TIGD7: variants seen among roughly 807,000 people sequenced by gnomAD.
The protein encoded by TIGD7 is tigger transposable element-derived protein 7.
Under a neutral mutation model 24.8 loss-of-function variants are expected in TIGD7, and 26 were observed. That is an observed-to-expected ratio of 1.05 (90% CI 0.77 to 1.45). The LOEUF is 1.45. TIGD7 is among the 40% of genes most tolerant of loss of function. The probability of loss-of-function intolerance (pLI) is 0.00; values close to 1 mark genes in which losing one functional copy is unlikely to be tolerated. For missense variants in TIGD7, 679 were observed against 641.6 expected (o/e 1.06, Z -0.63); for synonymous variants, 221 against 224.1 (o/e 0.99, Z 0.12).
Position 3,300,495 on chromosome 16 carries a change from T to C in TIGD7, c.120A>G (p.Ser40=). The C allele has an allele frequency of 6.2e-7, 1 of 1,614,158 alleles. No homozygotes were observed. Among genetic ancestry groups the C allele is most frequent in the Admixed American group, 1.7e-5 (1 of 60,030 alleles). Residue 40 remains serine (S), a synonymous_variant, in exon 2 of 2, where the codon TCA becomes TCG. Coordinates refer to ENST00000396862, the MANE Select transcript of TIGD7 (RefSeq NM_033208.4). ...SVMDEFGISK[S]TFYDIKKNKK... ...TATTTTTTTTAATGTCATAAAATGT[T>C]GACTTACTGATTCCAAATTCATCCA...
At chr16:3,302,766 A>C (rs1410300661) in intron 1 of TIGD7, among the ~76,000 whole-genome samples, 1 of 151,730 alleles carries the variant, frequency 6.6e-6, no homozygotes, top group East Asian at 1.9e-4. Flanking sequence ...TCAGGCCACT[A>C]TGACAGTTGT....
Position 3,299,621 on chromosome 16 carries a change from G to C in TIGD7, c.994C>G (p.Gln332Glu), listed in dbSNP as rs1210819910. Residue 332 changes from glutamine to glutamate, a missense_variant, in exon 2 of 2, where the codon CAA becomes GAA. Transcript: ENST00000396862. ...NTSTLIQPMN[Q>E]GVILSCKRLY... Reference sequence around the variant, plus strand: ...CGTTTGCAGCTCAAGATCACACCTTGATTCATTGGTTGAATCAAGGTTGAA... The same window carrying C: ...CGTTTGCAGCTCAAGATCACACCTTCATTCATTGGTTGAATCAAGGTTGAA... 1.3e-6 allele frequency: 2 copies of C among 1,564,626 alleles called. No individual in the cohort carries two copies. Among genetic ancestry groups the C allele is most frequent in the East Asian group, 2.3e-5 (1 of 44,388 alleles).
intron 1 of TIGD7, among the ~76,000 whole-genome samples, chr16:3,303,400 T>C (rs978917912): frequency 6.6e-6 from 1 of 152,264 alleles, no homozygotes; most frequent in Non-Finnish European, 1.5e-5. Flanking sequence ...TTAGCACTGC[T>C]AGCAGAACTT....
Position 3,300,602 on chromosome 16 carries a change from C to T in TIGD7, c.13G>A (p.Gly5Arg). The change falls in exon 2 of 2, where the codon GGG becomes AGG. Residue 5 changes from glycine to arginine, a missense_variant. Transcript: ENST00000396862. Reference sequence around the variant, plus strand: ...TCCAAATTCAGTGTTGTATATTTCCCTCTCTTATTCATACTGAATTTAACT... The same window carrying T: ...TCCAAATTCAGTGTTGTATATTTCCTTCTCTTATTCATACTGAATTTAACT... MNKR[G>R]KYTTLNLEEK... is the part of the protein sequence containing the mutation. 6.4e-7 allele frequency: 1 copy of T among 1,569,390 alleles called. No homozygotes were observed. The highest frequency in any genetic ancestry group is 2.2e-5 in the East Asian group (1 of 44,578).
At chr16:3,302,833 CTTTT>C (rs58436553) in intron 1 of TIGD7, among the ~76,000 whole-genome samples, 2 of 121,432 alleles carry the variant, frequency 1.6e-5, no homozygotes, top group Non-Finnish European at 3.4e-5. Flanking sequence ...GTGCCGTCGT[CTTTT>C]TTTTTTTTTT....
chr16:3,299,676 T>C lies in TIGD7; in HGVS notation c.939A>G (p.Arg313=). Residue 313 remains arginine, a synonymous_variant, in exon 2 of 2, where the codon CGA becomes CGG. Coordinates refer to ENST00000396862, the MANE Select transcript of TIGD7 (RefSeq NM_033208.4). ...TATGGGGGAAGAACATACATTTTAT[T>C]CGACCATCCTCACTGGTTAGGGATT... ...SSESLTSEDG[R]IKCMFFPHNT... The C allele has an allele frequency of 6.5e-7, 1 of 1,544,516 alleles. No individual in the cohort carries two copies. Among genetic ancestry groups the C allele is most frequent in the Non-Finnish European group, 8.7e-7 (1 of 1,152,424 alleles).
rs951151387 is a variant in TIGD7, at chr16:3,301,491, C to A, written c.-877G>T. ...CAGTGGCACTTTACCATTCTCAGAT[C>A]TTCTTTCTTGGGAACATCTGATTTA... On this transcript the variant is annotated 5_prime_UTR_variant, in exon 2 of 2. Coordinates refer to ENST00000396862, the MANE Select transcript of TIGD7 (RefSeq NM_033208.4). The A allele has an allele frequency of 6.0e-6, 1 of 167,068 alleles. No individual in the cohort carries two copies. Among genetic ancestry groups the A allele is most frequent in the African/African-American group, 2.4e-5 (1 of 41,444 alleles). The allele number at this position is 167,068 out of a possible 1,614,324, so 10.3% of individuals were successfully genotyped here. A position where few individuals can be genotyped will look rare whatever the true frequency, so the allele number is the denominator to read the frequency against.
In TIGD7 at chr16:3,299,567, T is replaced by A. The variant is rs1313461945; in HGVS notation, c.1048A>T (p.Ser350Cys). 1.3e-6 allele frequency: 2 copies of A among 1,534,408 alleles called. No homozygotes were observed. The highest frequency in any genetic ancestry group is 1.7e-6 in the Non-Finnish European group (2 of 1,146,140). ...TCACTTTCTTCAAATATTACAAGAC[T>A]CTCTTCAAGTTGCTTCCATCTATAC... is the stretch of plus-strand genomic sequence containing the variant. ...RLYRWKQLEESLVIFEESDDE... is the reference protein window; with the variant it reads ...RLYRWKQLEECLVIFEESDDE... The change falls in exon 2 of 2, where the codon AGT becomes TGT. Residue 350 changes from serine (S) to cysteine (C), a missense_variant. By Grantham distance (112) the Ser-to-Cys change is moderately radical (BLOSUM62 -1). Transcript: ENST00000396862.
chr16:3,303,058 G>A (rs973952117), intron 1 of TIGD7, among the ~76,000 whole-genome samples: 5 of 151,992 alleles, frequency 3.3e-5, no homozygotes, highest in Admixed American at 6.5e-5. Flanking sequence ...GGCTGGTCTC[G>A]AACTCCTGAC....
rs1219771172 is a variant in TIGD7 at position 3,301,172 on chromosome 16, A to G, written c.-558T>C. On this transcript the variant is annotated 5_prime_UTR_variant, in exon 2 of 2. Coordinates refer to ENST00000396862, the MANE Select transcript of TIGD7 (RefSeq NM_033208.4). ...AAAGACCTGATTTTACCTCACTGCCAGAAAAGAGAATGGTGCTCAAATTGC... is the reference window on the plus strand; with the variant it reads ...AAAGACCTGATTTTACCTCACTGCCGGAAAAGAGAATGGTGCTCAAATTGC... 1 of 167,620 alleles carries G rather than the reference A, an allele frequency of 6.0e-6. No individual in the cohort carries two copies. Among genetic ancestry groups the G allele is most frequent in the African/African-American group, 2.4e-5 (1 of 41,468 alleles). 10.4% of individuals were successfully genotyped at this position (167,620 alleles called of 1,614,324 possible).
At position 3,300,966 on chromosome 16, in the gene TIGD7, C is replaced by T; in HGVS notation, c.-352G>A. ...GAATACCTGCATACTTTCCCTAACT[C>T]AATACCGGAAAACGGACAATATGAA... On this transcript the variant is annotated 5_prime_UTR_variant, in exon 2 of 2. It removes the in-frame stop codon of an upstream open reading frame in the 5' UTR. Transcript: ENST00000396862. 1 of 203,092 alleles carries T rather than the reference C, an allele frequency of 4.9e-6. No individual in the cohort carries two copies. Among genetic ancestry groups the T allele is most frequent in the South Asian group, 1.5e-4 (1 of 6,892 alleles). The allele number at this position is 203,092 out of a possible 1,614,324, so 12.6% of individuals were successfully genotyped here.
At chr16:3,304,362 T>C (rs1275735364) in intron 1 of TIGD7, among the ~76,000 whole-genome samples, 1 of 152,134 alleles carries the variant, frequency 6.6e-6, no homozygotes, top group African/African-American at 2.4e-5. Flanking sequence ...GTGGACAAAA[T>C]CCCTCAAGGT....
chr16:3,300,800 G>GACTA lies in TIGD7; in HGVS notation c.-187_-186insTAGT. 1 of 1,021,594 alleles carries GACTA rather than the reference G, an allele frequency of 9.8e-7. No homozygotes were observed. The highest frequency in any genetic ancestry group is 1.4e-6 in the Non-Finnish European group (1 of 740,524). 63.3% of individuals were successfully genotyped at this position (1,021,594 alleles called of 1,614,324 possible). A position where few individuals can be genotyped will look rare whatever the true frequency, so the allele number is the denominator to read the frequency against. On this transcript the variant is annotated 5_prime_UTR_variant, in exon 2 of 2. An upstream open reading frame in the 5' UTR loses its in-frame stop. Transcript: ENST00000396862. ...ACTGAAGAGCTAGTCTAGAGGTGGA[G>GACTA]GTCTTATGCACTCAGAAAGCTGCCA... is the stretch of plus-strand genomic sequence containing the variant.
chr16:3,300,034 C>G lies in TIGD7; in HGVS notation c.581G>C (p.Ser194Thr). The change falls in exon 2 of 2, where the codon AGT becomes ACT. Residue 194 changes from serine (S) to threonine (T), a missense_variant. By Grantham distance (58) the Ser-to-Thr change is moderately conservative. Coordinates refer to ENST00000396862, the MANE Select transcript of TIGD7 (RefSeq NM_033208.4). ...WKSMPENSQA[S>T]RKDICLPGKK... ...CCCTGGTAGGCAGATATCTTTCCTA[C>G]TTGCCTGAGAATTTTCTGGCATTGA... The G allele has an allele frequency of 6.2e-7, 1 of 1,614,172 alleles. No individual in the cohort carries two copies. Among genetic ancestry groups the G allele is most frequent in the East Asian group, 2.2e-5 (1 of 44,892 alleles).
intron 1 of TIGD7, among the ~76,000 whole-genome samples, chr16:3,304,207 C>A (rs74482707): frequency 1.3e-5 from 2 of 152,142 alleles, no homozygotes; most frequent in African/African-American, 4.8e-5. Flanking sequence ...CACATAAACT[C>A]GTTTTCTAAC....
In TIGD7 at chr16:3,298,985, T is replaced by C. The variant is rs112964318; in HGVS notation, c.1630A>G (p.Thr544Ala). The C allele has an allele frequency of 9.5e-4, 1,227 of 1,286,960 alleles. 11 individuals are homozygous for C. In the African/African-American group the frequency reaches 0.017, roughly 17 times the overall value. The allele number at this position is 1,286,960 out of a possible 1,614,324, so 79.7% of individuals were successfully genotyped here. A position where few individuals can be genotyped will look rare whatever the true frequency, so the allele number is the denominator to read the frequency against. ...AAAATCTAATGATTAGAACCAGAAGTTGAAGGCCCACTGAAGGAGTCCTTA... is the reference window on the plus strand; with the variant it reads ...AAAATCTAATGATTAGAACCAGAAGCTGAAGGCCCACTGAAGGAGTCCTTA... ...NIKDSFSGPS[T>A]SGSNH is the part of the protein sequence containing the mutation. Residue 544 changes from threonine to alanine, a missense_variant, in exon 2 of 2, where the codon ACT becomes GCT. Physicochemically the swap from Thr to Ala is moderately conservative, Grantham distance 58. Coordinates refer to ENST00000396862, the MANE Select transcript of TIGD7 (RefSeq NM_033208.4).
At position 3,300,065 on chromosome 16, in the gene TIGD7, A is replaced by C; in HGVS notation, c.550T>G (p.Trp184Gly). 1 of 1,614,188 alleles carries C rather than the reference A, an allele frequency of 6.2e-7. No individual in the cohort carries two copies. Among genetic ancestry groups the C allele is most frequent in the Non-Finnish European group, 8.5e-7 (1 of 1,180,036 alleles). Residue 184 changes from tryptophan to glycine, a missense_variant, in exon 2 of 2, where the codon TGG becomes GGG. Transcript: ENST00000396862. ...LYSGDETDLFWKSMPENSQAS... is the reference protein window; with the variant it reads ...LYSGDETDLFGKSMPENSQAS... Reference sequence around the variant, plus strand: ...TGAGAATTTTCTGGCATTGACTTCCAAAAGAGGTCTGTTTCATCCCCACTG... The same window carrying C: ...TGAGAATTTTCTGGCATTGACTTCCCAAAGAGGTCTGTTTCATCCCCACTG...
In TIGD7 at chr16:3,300,523, A is replaced by G. The variant is rs992913574; in HGVS notation, c.92T>C (p.Val31Ala). The change falls in exon 2 of 2, where the codon GTA (valine) becomes GCA (alanine). Residue 31 changes from valine to alanine, a missense_variant. Coordinates refer to ENST00000396862, the MANE Select transcript of TIGD7 (RefSeq NM_033208.4). ...RIEAGRSLKS[V>A]MDEFGISKST... ...CTTACTGATTCCAAATTCATCCATT[A>G]CACTTTTAAGTGATCGTCCAGCTTC... 3 of 1,613,884 alleles carry G rather than the reference A, an allele frequency of 1.9e-6. No individual in the cohort carries two copies. The highest frequency in any genetic ancestry group is 1.7e-5 in the Admixed American group (1 of 59,962).
Position 3,298,860 on chromosome 16 carries a change from A to AT in TIGD7, c.*104dup. 1 of 423,336 alleles carries AT rather than the reference A, an allele frequency of 2.4e-6. No homozygotes were observed. The highest frequency in any genetic ancestry group is 4.2e-6 in the Non-Finnish European group (1 of 240,162). 26.2% of individuals were successfully genotyped at this position (423,336 alleles called of 1,614,324 possible). A position where few individuals can be genotyped will look rare whatever the true frequency, so the allele number is the denominator to read the frequency against. On this transcript the variant is annotated 3_prime_UTR_variant, in exon 2 of 2. Transcript: ENST00000396862. ...TTTTCAAACTGTAAATTTTATAACC[A>AT]TTATATAAATGGGCACTGATATACA... is the stretch of plus-strand genomic sequence containing the variant.
Sources: gnomAD v4.1 joint callset for allele counts (sites outside exome capture counted in the v4.1 genomes callset) on GRCh38, gnomAD v4.1.1 for gene constraint, MANE v1.5 for transcripts, NCBI Gene and HGNC (gene_info 2026-07-23, HGNC 2026-07-21) for gene names.